The following PDHX variants were observed in gnomAD, a reference collection of about 807,000 sequenced individuals.
The protein encoded by PDHX is pyruvate dehydrogenase complex component X.
A neutral mutation model predicts 55.3 loss-of-function variants in PDHX; 33 were observed. The ratio of observed to expected loss-of-function variants is 0.60; its 90% confidence interval spans 0.45 to 0.80. The LOEUF is 0.80. PDHX is among the 30% of genes least tolerant of loss of function. The pLI, the probability that PDHX is intolerant of heterozygous loss-of-function variation, is 0.00. For synonymous variants in PDHX, 226 were observed against 219.4 expected (o/e 1.03, Z -0.27); for missense variants, 622 against 619.9 (o/e 1.00, Z -0.04).
intron 6 of PDHX, among the ~76,000 whole-genome samples, chr11:34,969,751 C>T (rs1214213675): frequency 1.3e-5 from 2 of 152,144 alleles, no homozygotes; most frequent in Non-Finnish European, 2.9e-5. Context: ...TATGTACACA[C>T]ACATATATTG....
At chr11:34,972,916 T>C (rs948936174) in intron 7 of PDHX, among the ~76,000 whole-genome samples, 3 of 152,198 alleles carry the variant, frequency 2.0e-5, no homozygotes. Flanking sequence ...TTTATGTTTG[T>C]AGTATGGTCT....
chr11:34,985,633 A>C (rs1249192285), intron 9 of PDHX, among the ~76,000 whole-genome samples: 1 of 152,342 alleles, frequency 6.6e-6, no homozygotes, highest in East Asian at 1.9e-4. Context: ...TTTTGACAGA[A>C]GTATCACAAG....
At chr11:34,964,835 TTAGC>T (rs141089814) in intron 5 of PDHX, among the ~76,000 whole-genome samples, 6 of 144,440 alleles carry the variant, frequency 4.2e-5, no homozygotes, top group African/African-American at 9.9e-5. Context: ...ATAACTAATA[TTAGC>T]TAGCTATTAG....
At chr11:34,987,779 T>C (rs1447933063) in intron 9 of PDHX, among the ~76,000 whole-genome samples, 2 of 151,766 alleles carry the variant, frequency 1.3e-5, no homozygotes, top group South Asian at 2.1e-4. Context: ...ACGTCCAATA[T>C]AGATTTTGAC....
intron 5 of PDHX, among the ~76,000 whole-genome samples, chr11:34,961,906 C>T (rs529830338): frequency 6.6e-6 from 1 of 152,260 alleles, no homozygotes; most frequent in East Asian, 1.9e-4. Flanking sequence ...AAATTAAGAA[C>T]CTTGGTTGCC....
intron 8 of PDHX, among the ~76,000 whole-genome samples, chr11:34,979,932 T>C (rs2133992704): frequency 6.6e-6 from 1 of 151,870 alleles, no homozygotes; most frequent in South Asian, 2.1e-4. Context: ...TAAATTTTTT[T>C]ATATTTTCTA....
chr11:34,964,007 C>A (rs900678261), intron 5 of PDHX, among the ~76,000 whole-genome samples: 5 of 152,176 alleles, frequency 3.3e-5, no homozygotes, highest in Non-Finnish European at 7.3e-5. Context: ...AAAATGAATT[C>A]ATGTCACACC....
chr11:34,970,996 G>C lies in PDHX; in HGVS notation c.964+710G>C, dbSNP rs575291317. ...TAAGAACACATGAATGAGTTGTGTA[G>C]ACCAAATGGTTATTTTTTGTTTTGA... On this transcript the variant is annotated intron_variant, in intron 7 of 10. Coordinates refer to ENST00000227868, the MANE Select transcript of PDHX (RefSeq NM_003477.3). Among the ~76,000 whole-genome samples the C allele has an allele frequency of 2.6e-5, 4 of 152,226 alleles. No homozygotes were observed. In the South Asian group the frequency reaches 8.3e-4, roughly 32 times the overall value.
intron 9 of PDHX, 39 bp from the exon 10 acceptor site, chr11:34,992,276 A>G (rs749441674): frequency 5.1e-6 from 6 of 1,185,480 alleles, no homozygotes; most frequent in Non-Finnish European, 6.3e-6. Flanking sequence ...ACTGTATAAC[A>G]TTTTGTTGGT....
At chr11:34,928,923 C>T (rs916076542) in intron 1 of PDHX, among the ~76,000 whole-genome samples, 2 of 152,146 alleles carry the variant, frequency 1.3e-5, no homozygotes, top group Non-Finnish European at 2.9e-5. Flanking sequence ...ATATTTTAAT[C>T]ACAAGGACTT....
intron 1 of PDHX, among the ~76,000 whole-genome samples, chr11:34,922,105 C>T (rs1002574401): frequency 6.6e-6 from 1 of 152,174 alleles, no homozygotes. Flanking sequence ...TCTTCTGTTA[C>T]CACAGCAGAA....
chr11:34,922,200 T>G (rs2915201), intron 1 of PDHX, among the ~76,000 whole-genome samples: 119,431 of 152,144 alleles, frequency 0.78, 47,023 homozygotes, highest in East Asian at 0.83. Flanking sequence ...GTGAAAAATG[T>G]ATAGACTTTG....
upstream of PDHX, chr11:34,916,189 C>T (rs1285817035): frequency 2.5e-6 from 4 of 1,597,150 alleles, no homozygotes; most frequent in Middle Eastern, 2.1e-4. Context: ...CTGGGCCTCT[C>T]CTCCTGGGAA....
intron 1 of PDHX, among the ~76,000 whole-genome samples, chr11:34,922,587 A>G (rs1853911095): frequency 6.6e-6 from 1 of 152,138 alleles, no homozygotes; most frequent in African/African-American, 2.4e-5. Context: ...TCCTAAATGA[A>G]CATTTTTGCT....
At chr11:34,976,383 A>G (rs1855374991) in intron 7 of PDHX, among the ~76,000 whole-genome samples, 1 of 152,206 alleles carries the variant, frequency 6.6e-6, no homozygotes, top group Non-Finnish European at 1.5e-5. Flanking sequence ...ATATGTTTGG[A>G]AAATCTCCAT....
At chr11:34,968,951 T>G (rs1855194563) in intron 6 of PDHX, among the ~76,000 whole-genome samples, 1 of 152,166 alleles carries the variant, frequency 6.6e-6, no homozygotes, top group Non-Finnish European at 1.5e-5. Flanking sequence ...ACTTATAATT[T>G]TTTGACTTCA....
chr11:34,992,631 A>G (rs1201113096), intron 10 of PDHX, among the ~76,000 whole-genome samples: 1 of 152,146 alleles, frequency 6.6e-6, no homozygotes, highest in Non-Finnish European at 1.5e-5. Context: ...AATATTATGT[A>G]TTCTTTAGTA....
intron 6 of PDHX, among the ~76,000 whole-genome samples, chr11:34,968,223 T>C (rs12272825): frequency 0.01 from 1,506 of 147,762 alleles, 24 homozygotes; most frequent in African/African-American, 0.036. Context: ...GTGAGCTATG[T>C]GCACTCCAGC....
chr11:34,942,060 T>C (rs1208542583), intron 2 of PDHX: 2 of 152,444 alleles, frequency 1.3e-5, no homozygotes, highest in African/African-American at 4.8e-5. Context: ...GGACCCTCTA[T>C]CCTAGCTGCT....
Sources: gnomAD v4.1 joint callset for allele counts (sites outside exome capture counted in the v4.1 genomes callset) on GRCh38, gnomAD v4.1.1 for gene constraint, MANE v1.5 for transcripts, NCBI Gene and HGNC (gene_info 2026-07-23, HGNC 2026-07-21) for gene names.